The following ASCC3 variants were observed in gnomAD, a reference collection of about 807,000 sequenced individuals.
ASCC3 encodes the protein ASC-1 complex subunit P200.
A neutral mutation model predicts 256.3 loss-of-function variants in ASCC3; 158 were observed. The ratio of observed to expected loss-of-function variants is 0.62; its 90% confidence interval spans 0.54 to 0.70. The LOEUF (loss-of-function observed/expected upper bound fraction) is 0.70, where lower values mean the gene tolerates loss of function less well. Among genes scored for constraint, ASCC3 ranks in the 30% least tolerant of loss-of-function variants. ASCC3 has a pLI of 0.00. For synonymous variants in ASCC3, 948 were observed against 883.4 expected, an observed-to-expected ratio of 1.07 and a Z score of -1.30; for missense variants, 2,259 against 2,626.0, an observed-to-expected ratio of 0.86 and a Z score of 3.05.
At chr6:100,701,458 T>C (rs1478104201) in intron 13 of ASCC3, among the ~76,000 whole-genome samples, 1 of 152,130 alleles carries the variant, frequency 6.6e-6, no homozygotes, top group Non-Finnish European at 1.5e-5. Context: ...GAAATCTAAG[T>C]GCATAAAACC....
At chr6:100,529,214 T>C (rs1426265746) in intron 37 of ASCC3, among the ~76,000 whole-genome samples, 1 of 152,114 alleles carries the variant, frequency 6.6e-6, no homozygotes, top group Non-Finnish European at 1.5e-5. Flanking sequence ...TGCATTTACC[T>C]TTTATTATAG....
At chr6:100,742,790 T>C (rs1301989941) in intron 10 of ASCC3, among the ~76,000 whole-genome samples, 1 of 152,120 alleles carries the variant, frequency 6.6e-6, no homozygotes, top group Non-Finnish European at 1.5e-5. Context: ...CCCTAGAAAC[T>C]CCATCCTGTT....
chr6:100,867,598 A>C (rs1401717757), intron 2 of ASCC3, among the ~76,000 whole-genome samples: 1 of 152,184 alleles, frequency 6.6e-6, no homozygotes, highest in Admixed American at 6.5e-5. Flanking sequence ...AAACTTACTC[A>C]GATAATCCAG....
In ASCC3 at chr6:100,799,510, A is replaced by G. The variant is rs1003311562; in HGVS notation, c.1190T>C (p.Val397Ala). 1.9e-6 allele frequency: 3 copies of G among 1,613,004 alleles called. No homozygotes were observed. Among genetic ancestry groups the G allele is most frequent in the African/African-American group, 2.7e-5 (2 of 74,870 alleles). The part of the protein sequence containing the change: ...PILSRQRDAD[V>A]EKIHYPHVYD... ...CACATGGGGATAATGTATTTTTTCAACGTCTGCATCTCTCTGCCTGCTCAG... is the reference window on the plus strand; with the variant it reads ...CACATGGGGATAATGTATTTTTTCAGCGTCTGCATCTCTCTGCCTGCTCAG... Residue 397 changes from valine (V) to alanine (A), a missense_variant, in exon 7 of 42, where the codon GTT (valine) becomes GCT (alanine). Physicochemically the swap from Val to Ala is moderately conservative, Grantham distance 64. Transcript: ENST00000369162.
intron 33 of ASCC3, 94 bp downstream of exon 33, chr6:100,605,474 C>T: frequency 5.7e-6 from 5 of 884,300 alleles, no homozygotes; most frequent in Non-Finnish European, 7.0e-6. Flanking sequence ...TCTAAGCTAC[C>T]TGTTTTACTG....
intron 30 of ASCC3, among the ~76,000 whole-genome samples, chr6:100,620,451 T>C (rs979323205): frequency 4.6e-5 from 7 of 152,172 alleles, no homozygotes; most frequent in African/African-American, 1.4e-4. Context: ...ATTAAGAAGA[T>C]AGATGAATAA....
chr6:100,793,379 C>G (rs1017189942), intron 8 of ASCC3, among the ~76,000 whole-genome samples: 2 of 151,920 alleles, frequency 1.3e-5, no homozygotes, highest in African/African-American at 4.8e-5. Context: ...AAAACCTGGT[C>G]ATGCCCCAAA....
At chr6:100,816,648 A>G (rs1477719494) in intron 4 of ASCC3, among the ~76,000 whole-genome samples, 1 of 152,158 alleles carries the variant, frequency 6.6e-6, no homozygotes, top group Non-Finnish European at 1.5e-5. Flanking sequence ...AAACTAGCAC[A>G]CCAACAGAAA....
intron 14 of ASCC3, among the ~76,000 whole-genome samples, chr6:100,666,214 C>A (rs1021229931): frequency 6.6e-6 from 1 of 152,052 alleles, no homozygotes; most frequent in Admixed American, 6.6e-5. Flanking sequence ...GTCTGTTAAT[C>A]GGACCTCTCA....
chr6:100,802,800 G>A lies in ASCC3; in HGVS notation c.923-2296C>T, dbSNP rs539542169. Among the ~76,000 whole-genome samples the A allele has an allele frequency of 4.3e-4, 65 of 151,924 alleles. 1 individual carries two copies. In the South Asian group the frequency reaches 0.013, roughly 30 times the overall value. On this transcript the variant is annotated intron_variant, in intron 5 of 41. Transcript: ENST00000369162. ...GGACTGCTTGAGGCTAGTAGTTCAAGACTACCCTGGGCAACATGGGGAGAT... is the reference window on the plus strand; with the variant it reads ...GGACTGCTTGAGGCTAGTAGTTCAAAACTACCCTGGGCAACATGGGGAGAT...
intron 4 of ASCC3, among the ~76,000 whole-genome samples, chr6:100,829,487 G>A (rs1472013013): frequency 1.3e-5 from 2 of 152,042 alleles, no homozygotes; most frequent in Non-Finnish European, 2.9e-5. Context: ...TCTGAGTGCG[G>A]GGCCCACCGA....
intron 36 of ASCC3, among the ~76,000 whole-genome samples, chr6:100,582,819 G>A (rs1210448065): frequency 6.6e-6 from 1 of 152,134 alleles, no homozygotes; most frequent in Non-Finnish European, 1.5e-5. Flanking sequence ...TTTGTCAAAG[G>A]CCTTTCCTCC....
chr6:100,869,787 G>A (rs1161493303), intron 1 of ASCC3, among the ~76,000 whole-genome samples: 1 of 152,040 alleles, frequency 6.6e-6, no homozygotes, highest in African/African-American at 2.4e-5. Context: ...ACATAGGAAA[G>A]GAAAGGCTGA....
intron 36 of ASCC3, among the ~76,000 whole-genome samples, chr6:100,585,244 C>T (rs1375557695): frequency 2.0e-4 from 30 of 152,214 alleles, no homozygotes; most frequent in Non-Finnish European, 3.7e-4. Flanking sequence ...GGTCTTTTCA[C>T]ATAGTCCCAT....
chr6:100,728,933 C>T (rs1264463602), intron 10 of ASCC3, among the ~76,000 whole-genome samples: 1 of 152,090 alleles, frequency 6.6e-6, no homozygotes, highest in Non-Finnish European at 1.5e-5. Context: ...CCAATTCAAC[C>T]TCATTTTCAC....
Position 100,850,026 on chromosome 6 carries a change from G to T in ASCC3, c.242-1319C>A, listed in dbSNP as rs569790657. On this transcript the variant is annotated intron_variant, in intron 3 of 41. Coordinates refer to ENST00000369162, the MANE Select transcript of ASCC3 (RefSeq NM_006828.4). ...GAGGCAGGAGGACCGCTTGAACCTA[G>T]GAGGCGGAGGTTGCAGTGAGCAGAG... Among the ~76,000 whole-genome samples the T allele has an allele frequency of 2.7e-5, 4 of 149,532 alleles. No homozygotes were observed. In the Admixed American group the frequency reaches 2.7e-4, roughly 10 times the overall value.
At chr6:100,768,579 T>C (rs755943247) in intron 8 of ASCC3, among the ~76,000 whole-genome samples, 5 of 152,066 alleles carry the variant, frequency 3.3e-5, no homozygotes, top group Admixed American at 6.6e-5. Context: ...TCAAAATACA[T>C]GAAGTAAAAA....
intron 25 of ASCC3, 107 bp downstream of exon 25, chr6:100,638,494 G>T: frequency 1.1e-6 from 1 of 940,020 alleles, no homozygotes; most frequent in Non-Finnish European, 1.6e-6. Flanking sequence ...TTCACTGAGA[G>T]TGACAAATCT....
intron 8 of ASCC3, among the ~76,000 whole-genome samples, chr6:100,768,110 A>G (rs1781748123): frequency 6.6e-6 from 1 of 152,210 alleles, no homozygotes; most frequent in African/African-American, 2.4e-5. Context: ...ATTCTATTTC[A>G]TATGTTTATA....
Sources: gnomAD v4.1 joint callset for allele counts (sites outside exome capture counted in the v4.1 genomes callset) on GRCh38, gnomAD v4.1.1 for gene constraint, MANE v1.5 for transcripts, NCBI Gene and HGNC (gene_info 2026-07-23, HGNC 2026-07-21) for gene names.